Variants in ZNF534 observed in about 807,000 individuals in gnomAD.
The protein encoded by ZNF534 is zinc finger protein 534.
Under a neutral mutation model 13.6 loss-of-function variants are expected in ZNF534, and 19 were observed. The ratio of observed to expected loss-of-function variants is 1.40; its 90% CI spans 0.97 to 2.05. The LOEUF is 2.05. ZNF534 is among the 30% of genes most tolerant of loss of function. The pLI is 0.00. For missense variants in ZNF534, 782 were observed against 796.3 expected (o/e 0.98, Z 0.22); for synonymous variants, 244 against 273.8 (o/e 0.89, Z 1.07).
rs2059168359 is a variant in ZNF534, at chr19:52,440,920, A to G, written c.*1474A>G. ...AAGTCTTTTTTTTTTTTTTCCCCCG[A>G]AACAAGAGTCTCGCTCTGATGCCCA... On this transcript the variant is annotated 3_prime_UTR_variant, in exon 5 of 5. Coordinates refer to ENST00000433050, the MANE Select transcript of ZNF534 (RefSeq NM_001143938.3). Among the ~76,000 whole-genome samples the G allele has an allele frequency of 6.6e-6, 1 of 150,670 alleles. No homozygotes were observed. The highest frequency in any genetic ancestry group is 2.4e-5 in the African/African-American group (1 of 40,924).
chr19:52,433,793 TA>T, intron 2 of ZNF534, 161 bp from the exon 3 acceptor site: 1 of 786,030 alleles, frequency 1.3e-6, no homozygotes, highest in Non-Finnish European at 2.2e-6. Context: ...AAAAGTATAA[TA>T]AAACACAATC....
In ZNF534 at chr19:52,431,856, CTTTT is replaced by C. The variant is rs113745068; in HGVS notation, c.15+379_15+382del. 5.1e-3 allele frequency among the ~76,000 whole-genome samples: 719 copies of C among 140,166 alleles called. 7 individuals carry two copies. The highest frequency in any genetic ancestry group is 0.018 in the African/African-American group (693 of 38,708). 92.0% of individuals were successfully genotyped at this position (140,166 alleles called of 152,430 possible). On this transcript the variant is annotated intron_variant, in intron 2 of 4. Transcript: ENST00000433050. ...ACTAGAGAAGCTGCATGTGGAATTC[CTTTT>C]TTTTTTTTTTTGAGACAGAGTCTCG... is the stretch of plus-strand genomic sequence containing the variant.
rs2059169649 is a variant in ZNF534 at position 52,441,061 on chromosome 19, T to G, written c.*1615T>G. 6.6e-6 allele frequency among the ~76,000 whole-genome samples: 1 copy of G among 152,108 alleles called. No homozygotes were observed. Among genetic ancestry groups the G allele is most frequent in the Non-Finnish European group, 1.5e-5 (1 of 68,018 alleles). ...GGACTACAAGCACATGATGCCATCA[T>G]GCCTGGCTAATTTTTTGTATTTTTA... is the stretch of plus-strand genomic sequence containing the variant. On this transcript the variant is annotated 3_prime_UTR_variant, in exon 5 of 5. Coordinates refer to ENST00000433050, the MANE Select transcript of ZNF534 (RefSeq NM_001143938.3).
rs1443398285 is a variant in ZNF534 at position 52,450,058 on chromosome 19, T to C, written c.272-1129T>C. Among the ~76,000 whole-genome samples, 9 of 152,326 alleles carry C rather than the reference T, an allele frequency of 5.9e-5. No homozygotes were observed. The East Asian group carries it at 1.7e-3, about 29-fold the overall frequency. On this transcript the variant is annotated intron_variant, in intron 4 of 4. Transcript: ENST00000301085. ...GCTATCGTGATGTTTGAGTTTCTTA[T>C]ATATTCAACTTATTAATTCCTTGTC...
Position 52,441,775 on chromosome 19 carries a change from A to G in ZNF534, c.*2329A>G, listed in dbSNP as rs979186223. On this transcript the variant is annotated 3_prime_UTR_variant, in exon 5 of 5. Coordinates refer to ENST00000433050, the MANE Select transcript of ZNF534 (RefSeq NM_001143938.3). Reference sequence around the variant, plus strand: ...AGAAACCTTACAAATACAAATCACCACATAGAGAGAAACCTTACAAATACA... The same window carrying G: ...AGAAACCTTACAAATACAAATCACCGCATAGAGAGAAACCTTACAAATACA... 3.9e-5 allele frequency among the ~76,000 whole-genome samples: 6 copies of G among 152,228 alleles called. No individual in the cohort carries two copies. The highest frequency in any genetic ancestry group is 1.2e-4 in the African/African-American group (5 of 41,472).
At position 52,439,585 on chromosome 19, in the gene ZNF534, TACAAAAAAA is replaced by T. The variant is rs749095962; in HGVS notation, c.*141_*149del. 34 of 393,498 alleles carry T rather than the reference TACAAAAAAA, an allele frequency of 8.6e-5. No individual in the cohort carries two copies. The highest frequency in any genetic ancestry group is 1.2e-4 in the South Asian group (2 of 17,214). The allele number at this position is 393,498 out of a possible 1,614,324, so 24.4% of individuals were successfully genotyped here. ...GGTGAAACCCCATCTCTACTAAAAA[TACAAAAAAA>T]AAAAAAAAAAAAAAATTAGCTGGGT... is the stretch of plus-strand genomic sequence containing the variant. On this transcript the variant is annotated 3_prime_UTR_variant, in exon 5 of 5. Transcript: ENST00000433050.
Position 52,440,272 on chromosome 19 carries a change from A to G in ZNF534, c.*826A>G, listed in dbSNP as rs1284728864. Among the ~76,000 whole-genome samples the G allele has an allele frequency of 6.6e-6, 1 of 152,216 alleles. No homozygotes were observed. The highest frequency in any genetic ancestry group is 1.5e-5 in the Non-Finnish European group (1 of 68,034). The stretch of plus-strand genomic sequence containing the variant: ...AATTCACACTGGTGATTGACTTTAA[A>G]CATATAACAAGTGTGGCAACGTATT... On this transcript the variant is annotated 3_prime_UTR_variant, in exon 5 of 5. Transcript: ENST00000433050.
chr19:52,434,478 AAAAAAAAAG>A (rs1233164421), intron 3 of ZNF534, among the ~76,000 whole-genome samples: 1 of 151,252 alleles, frequency 6.6e-6, no homozygotes, highest in African/African-American at 2.4e-5. Flanking sequence ...AAAAAAAAAA[AAAAAAAAAG>A]AAATGAAAAG....
chr19:52,435,939 C>CTTTT (rs869289648), intron 4 of ZNF534, among the ~76,000 whole-genome samples: 1 of 24,174 alleles, frequency 4.1e-5, no homozygotes, highest in African/African-American at 9.5e-5. Context: ...TCTTCTTCTT[C>CTTTT]TTTTTTTTTT....
Position 52,451,720 on chromosome 19 carries a change from C to T in ZNF534, c.*223C>T, listed in dbSNP as rs1039534581. On this transcript the variant is annotated 3_prime_UTR_variant, in exon 5 of 5. Coordinates refer to the ZNF534 transcript ENST00000301085. ...TCCAAGGTCTGGCTTGGCTGCAAAA[C>T]ACTTTGTTGATGTAGGAGCTGGTAT... 20 of 680,738 alleles carry T rather than the reference C, an allele frequency of 2.9e-5. No individual in the cohort carries two copies. The African/African-American group carries it at 3.1e-4, about 10-fold the overall frequency. The allele number at this position is 680,738 out of a possible 1,614,324, so 42.2% of individuals were successfully genotyped here.
chr19:52,438,644 C>G lies in ZNF534; in HGVS notation c.1184C>G (p.Ser395Ter). The G allele has an allele frequency of 6.3e-7, 1 of 1,584,670 alleles. No individual in the cohort carries two copies. The highest frequency in any genetic ancestry group is 8.6e-7 in the Non-Finnish European group (1 of 1,164,348). ...NECGKVFIGN[S>*]RLARHRKIHT... ...TGTGGCAAGGTCTTTATTGGCAATT[C>G]ACGCCTTGCACGACATAGGAAAATT... The change falls in exon 5 of 5, where the codon TCA becomes TGA. Residue 395 changes from serine (S) to a stop codon, truncating the protein, a stop_gained. Transcript: ENST00000433050. LOFTEE classifies it low-confidence loss of function (END_TRUNC).
At position 52,433,957 on chromosome 19, in the gene ZNF534, G is replaced by A. The variant is rs758995838; in HGVS notation, c.18G>A (p.Gly6=). The change falls in exon 3 of 5, where the codon GGG becomes GGA. Residue 6 remains glycine, a splice_region_variant and synonymous_variant. Transcript: ENST00000433050. MALTQ[G]QLSFSDVAIE... The stretch of plus-strand genomic sequence containing the variant: ...TTGAAATGTGGATTTCCTTTTAGGG[G>A]CAATTGTCATTCAGCGATGTGGCCA... The A allele has an allele frequency of 6.2e-7, 1 of 1,613,736 alleles. No individual in the cohort carries two copies. The highest frequency in any genetic ancestry group is 8.5e-7 in the Non-Finnish European group (1 of 1,179,792).
chr19:52,436,836 A>G (rs2059131743), intron 4 of ZNF534, among the ~76,000 whole-genome samples: 1 of 151,124 alleles, frequency 6.6e-6, no homozygotes, highest in African/African-American at 2.4e-5. Context: ...CTTTTCACAT[A>G]CTGTTTTTCT....
rs137877414 is a variant in ZNF534, at chr19:52,435,417, A to G, written c.271+208A>G. 2.1e-3 allele frequency among the ~76,000 whole-genome samples: 314 copies of G among 152,156 alleles called. 3 individuals carry two copies. Among genetic ancestry groups the G allele is most frequent in the African/African-American group, 7.3e-3 (302 of 41,530 alleles). The stretch of plus-strand genomic sequence containing the variant: ...ATACTCTGCAGAGCCACACTATTAC[A>G]TAGTGTTTGGGAAACTCTGCAAGTG... On this transcript the variant is annotated intron_variant, in intron 4 of 4. Transcript: ENST00000433050.
At chr19:52,429,673 G>T (rs1319585153) in intron 1 of ZNF534, among the ~76,000 whole-genome samples, 1 of 150,034 alleles carries the variant, frequency 6.7e-6, no homozygotes, top group East Asian at 2.0e-4. Flanking sequence ...TCGGCTCACT[G>T]CAAACTCCGC....
Position 52,438,298 on chromosome 19 carries a change from A to T in ZNF534, c.838A>T (p.Ser280Cys). ...TAACAAAGAATGTGGGAAAGTCTTT[A>T]GTCACCATGCCTACCTTGCACAGCA... is the stretch of plus-strand genomic sequence containing the variant. ...YNNKECGKVF[S>C]HHAYLAQHRK... Residue 280 changes from serine to cysteine, a missense_variant, in exon 5 of 5, where the codon AGT (serine) becomes TGT (cysteine). Transcript: ENST00000433050. 1 of 1,606,002 alleles carries T rather than the reference A, an allele frequency of 6.2e-7. No homozygotes were observed. Among genetic ancestry groups the T allele is most frequent in the South Asian group, 1.1e-5 (1 of 90,342 alleles).
At position 52,438,399 on chromosome 19, in the gene ZNF534, T is replaced by TC. The variant is rs1340578455; in HGVS notation, c.939_940insC (p.Thr314HisfsTer14). The TC allele has an allele frequency of 6.2e-7, 1 of 1,613,526 alleles. No individual in the cohort carries two copies. ...AAGCATTTAGTGTGTGTTCCAGTCT[T>TC]ACTGCTCATCTTGTAATCCATACTG... On this transcript the variant is annotated frameshift_variant, in exon 5 of 5. Transcript: ENST00000433050. LOFTEE classifies it low-confidence loss of function (END_TRUNC).
At chr19:52,433,473 TCTC>T (rs2059104491) in intron 2 of ZNF534, among the ~76,000 whole-genome samples, 1 of 151,902 alleles carries the variant, frequency 6.6e-6, no homozygotes, top group Non-Finnish European at 1.5e-5. Flanking sequence ...TTCACACCAT[TCTC>T]CTGCCTCAGC....
chr19:52,438,192 T>G lies in ZNF534; in HGVS notation c.732T>G (p.Tyr244Ter), dbSNP rs1387970617. 11 of 1,614,014 alleles carry G rather than the reference T, an allele frequency of 6.8e-6. No individual in the cohort carries two copies. The highest frequency in any genetic ancestry group is 9.3e-6 in the Non-Finnish European group (11 of 1,180,024). The stretch of plus-strand genomic sequence containing the variant: ...ATACTGGAGAGAAGCCTTACAAATA[T>G]AATGAATGTGGCAAAGTCTTCAATC... ...RIHTGEKPYK[Y>*]NECGKVFNQN... Residue 244 changes from tyrosine (Y) to a stop codon, truncating the protein, a stop_gained, in exon 5 of 5, where the codon TAT (tyrosine) becomes TAG (stop). Transcript: ENST00000433050. LOFTEE classifies it low-confidence loss of function (END_TRUNC).
Sources: gnomAD v4.1 joint callset for allele counts (sites outside exome capture counted in the v4.1 genomes callset) on GRCh38, gnomAD v4.1.1 for gene constraint, MANE v1.5 for transcripts, NCBI Gene and HGNC (gene_info 2026-07-23, HGNC 2026-07-21) for gene names.